KSR1: variants seen among roughly 807,000 people sequenced by gnomAD.
The protein encoded by KSR1 is kinase suppressor of ras 1.
In KSR1, 35 loss-of-function variants were observed where a neutral mutation model predicts 92.9. That is an observed-to-expected ratio of 0.38 (90% CI 0.29 to 0.50). The LOEUF is 0.50. KSR1 is among the 20% of genes least tolerant of loss of function. The pLI is 0.94. For missense variants in KSR1, 972 were observed against 1,158.5 expected, an observed-to-expected ratio of 0.84 and a Z score of 2.34; for synonymous variants, 467 against 472.6, an observed-to-expected ratio of 0.99 and a Z score of 0.15.
intron 4 of KSR1, among the ~76,000 whole-genome samples, chr17:27,584,460 C>T (rs1384052634): frequency 6.6e-6 from 1 of 152,162 alleles, no homozygotes; most frequent in Non-Finnish European, 1.5e-5. Flanking sequence ...GGGCCTGGGT[C>T]CCACCCAGAA....
At chr17:27,597,576 A>G in intron 10 of KSR1, 140 bp downstream of exon 10, 1 of 867,456 alleles carries the variant, frequency 1.2e-6, no homozygotes, top group Non-Finnish European at 1.7e-6. Context: ...CCGGCGCCCC[A>G]AGCACAATAG....
intron 1 of KSR1, among the ~76,000 whole-genome samples, chr17:27,460,479 A>G (rs1394791590): frequency 1.3e-5 from 2 of 152,164 alleles, no homozygotes; most frequent in Admixed American, 6.5e-5. Flanking sequence ...AAGGACTTTG[A>G]CCATCAGGCT....
At chr17:27,526,098 C>T (rs9892371) in intron 1 of KSR1, among the ~76,000 whole-genome samples, 278 of 14,162 alleles carry the variant, frequency 0.02, 1 homozygote, top group Middle Eastern at 0.18. Context: ...CTTTCTTTCT[C>T]TCTCTCTCTC....
intron 1 of KSR1, among the ~76,000 whole-genome samples, chr17:27,521,429 A>G (rs1161925755): frequency 6.6e-6 from 1 of 150,540 alleles, no homozygotes; most frequent in Non-Finnish European, 1.5e-5. Context: ...GGCTCAGGCA[A>G]GCCTCTTGCC....
intron 11 of KSR1, chr17:27,601,923 T>A (rs1426214516): frequency 6.2e-7 from 1 of 1,609,408 alleles, no homozygotes; most frequent in Non-Finnish European, 8.5e-7. Context: ...TGGAAATGCC[T>A]CCTTATTGCA....
intron 12 of KSR1, 87 bp from the exon 13 acceptor site, chr17:27,604,593 G>C (rs1018002541): frequency 9.7e-6 from 13 of 1,337,652 alleles, no homozygotes; most frequent in Non-Finnish European, 1.2e-5. Flanking sequence ...AAGTACCTTT[G>C]TCTCAGATCT....
rs751963632 is a variant in KSR1 at position 27,605,824 on chromosome 17, C to T, written c.1994+11C>T. 9.3e-6 allele frequency: 15 copies of T among 1,611,696 alleles called. No homozygotes were observed. In the Admixed American group the frequency reaches 1.3e-4, roughly 14 times the overall value. On this transcript the variant is annotated intron_variant, in intron 14 of 20. Transcript: ENST00000644974. ...GGCCATTATCACCAGGTAACCAAGC[C>T]CTAGGACCTCATGCTGGATGGCCAG...
chr17:27,574,615 G>T (rs2072434774), intron 2 of KSR1, among the ~76,000 whole-genome samples: 1 of 152,178 alleles, frequency 6.6e-6, no homozygotes, highest in Admixed American at 6.5e-5. Context: ...GGAGAGAGGG[G>T]TATGGGTTGG....
At chr17:27,471,176 C>T (rs532383446) in intron 1 of KSR1, among the ~76,000 whole-genome samples, 28 of 152,236 alleles carry the variant, frequency 1.8e-4, no homozygotes, top group East Asian at 1.5e-3. Context: ...ACTCCAGTGA[C>T]GATTTATTGA....
chr17:27,587,568 C>T (rs1282959596), intron 5 of KSR1: 1 of 152,218 alleles, frequency 6.6e-6, no homozygotes, highest in Non-Finnish European at 1.5e-5. Context: ...ATCTTCTTTC[C>T]AGAGAAAAGT....
chr17:27,493,883 C>T (rs1420831807), intron 1 of KSR1, among the ~76,000 whole-genome samples: 3 of 152,168 alleles, frequency 2.0e-5, no homozygotes, highest in Non-Finnish European at 2.9e-5. Flanking sequence ...CTGCCTCAGC[C>T]TTGGAGGTTT....
intron 1 of KSR1, among the ~76,000 whole-genome samples, chr17:27,549,087 T>C (rs2071294446): frequency 1.3e-5 from 2 of 152,184 alleles, no homozygotes; most frequent in African/African-American, 4.8e-5. Context: ...CGTTTCGGAT[T>C]TTGGGTTTTT....
At chr17:27,611,724 G>A (rs2073923261) in intron 18 of KSR1, 95 bp downstream of exon 18, 1 of 1,478,056 alleles carries the variant, frequency 6.8e-7, no homozygotes, top group Non-Finnish European at 9.3e-7. Flanking sequence ...GAGAAATGGG[G>A]TCGGTGAGGA....
At chr17:27,535,900 T>C (rs1331565357) in intron 1 of KSR1, among the ~76,000 whole-genome samples, 1 of 152,226 alleles carries the variant, frequency 6.6e-6, no homozygotes, top group Non-Finnish European at 1.5e-5. Context: ...AGACCAGAAT[T>C]ACCCCTAGTG....
chr17:27,558,498 T>C (rs551545129), intron 2 of KSR1, among the ~76,000 whole-genome samples: 37 of 151,742 alleles, frequency 2.4e-4, no homozygotes, highest in Non-Finnish European at 4.1e-4. Flanking sequence ...ACTTGGTGGT[T>C]CAGGTGACTC....
intron 9 of KSR1, among the ~76,000 whole-genome samples, chr17:27,594,369 C>T (rs2073269161): frequency 6.6e-6 from 1 of 151,862 alleles, no homozygotes; most frequent in African/African-American, 2.4e-5. Flanking sequence ...GTCATAATTG[C>T]CCCTGCCTCT....
At chr17:27,532,521 G>A (rs376489781) in intron 1 of KSR1, among the ~76,000 whole-genome samples, 7 of 152,338 alleles carry the variant, frequency 4.6e-5, no homozygotes, top group Admixed American at 1.3e-4. Flanking sequence ...CAGTGAGTGC[G>A]TGCATCTCCG....
intron 2 of KSR1, among the ~76,000 whole-genome samples, chr17:27,574,777 A>C (rs1311194146): frequency 2.0e-5 from 3 of 152,254 alleles, no homozygotes; most frequent in Non-Finnish European, 2.9e-5. Flanking sequence ...ATTGGCTTAG[A>C]TTCTCAAGAA....
chr17:27,607,884 C>T (rs1169324892), intron 14 of KSR1, 30 bp from the exon 15 acceptor site: 1 of 1,552,106 alleles, frequency 6.4e-7, no homozygotes, highest in Admixed American at 1.8e-5. Context: ...CAGCCCCAGA[C>T]TTGTGCTTGA....
Sources: gnomAD v4.1 joint callset for allele counts (sites outside exome capture counted in the v4.1 genomes callset) on GRCh38, gnomAD v4.1.1 for gene constraint, MANE v1.5 for transcripts, NCBI Gene and HGNC (gene_info 2026-07-23, HGNC 2026-07-21) for gene names.